Variants in RNF17 observed in about 807,000 individuals in gnomAD.
RNF17 encodes spermatogenesis associated 23.
RNF17 carries 31 observed loss-of-function variants against 200.5 expected under a neutral mutation model. The observed-to-expected ratio is 0.15, with a 90% CI of 0.12 to 0.21. The LOEUF is 0.21. Among genes scored for constraint, RNF17 ranks in the 10% least tolerant of loss-of-function variants. The pLI is 1.00. For synonymous variants in RNF17, 606 were observed against 637.8 expected, an observed-to-expected ratio of 0.95 and a Z score of 0.75; for missense variants, 1,628 against 1,905.1, an observed-to-expected ratio of 0.85 and a Z score of 2.71.
At chr13:24,861,224 T>G in intron 26 of RNF17, 44 bp from the exon 27 acceptor site, 1 of 1,491,362 alleles carries the variant, frequency 6.7e-7, no homozygotes, top group Non-Finnish European at 9.2e-7. Flanking sequence ...CCCCTAGCTT[T>G]TAATAATAAA....
At chr13:24,881,991 GATACATCTAT>G (rs1566273017), downstream of RNF17, among the ~76,000 whole-genome samples, 42 of 30,376 alleles carry the variant, frequency 1.4e-3, 2 homozygotes, top group Non-Finnish European at 2.4e-3. Flanking sequence ...TAGATATATA[GATACATCTAT>G]ATAGATATAT....
At chr13:24,823,185 T>G (rs924558053) in intron 15 of RNF17, among the ~76,000 whole-genome samples, 5 of 152,166 alleles carry the variant, frequency 3.3e-5, no homozygotes, top group Non-Finnish European at 5.9e-5. Flanking sequence ...GCAATTCTCC[T>G]GCCTCAGCCT....
the RNF17 span, among the ~76,000 whole-genome samples, chr13:24,749,495 T>A: frequency 6.6e-6 from 1 of 151,970 alleles, no homozygotes; most frequent in South Asian, 2.1e-4. Context: ...AGTAAAACAA[T>A]TGCTTAAGAT....
intron 15 of RNF17, among the ~76,000 whole-genome samples, chr13:24,814,235 A>C (rs9581184): frequency 3.3e-5 from 5 of 152,088 alleles, no homozygotes; most frequent in Non-Finnish European, 7.4e-5. Flanking sequence ...TTGCTGTCTC[A>C]GGTCTGGCAG....
chr13:24,764,191 G>A lies in RNF17; in HGVS notation c.-13G>A. The A allele has an allele frequency of 1.3e-6, 2 of 1,579,082 alleles. No homozygotes were observed. Among genetic ancestry groups the A allele is most frequent in the South Asian group, 1.1e-5 (1 of 88,746 alleles). On this transcript the variant is annotated 5_prime_UTR_variant, in exon 1 of 36. Transcript: ENST00000255324. ...CTCGCACTCGGCGGTTGTTCCAGAA[G>A]AAAGAGACAGCGATGGCGGCAGAGG...
chr13:24,753,103 G>C, the RNF17 span, among the ~76,000 whole-genome samples: 9 of 151,820 alleles, frequency 5.9e-5, no homozygotes, highest in South Asian at 1.7e-3. Context: ...ATGATATAAG[G>C]GGCCCTCCAA....
intron 1 of RNF17, among the ~76,000 whole-genome samples, chr13:24,765,787 A>T (rs9318791): frequency 1.3e-5 from 2 of 152,282 alleles, no homozygotes; most frequent in Admixed American, 1.3e-4. Flanking sequence ...GTTATTCAGT[A>T]TCAGAAATTT....
intron 34 of RNF17, among the ~76,000 whole-genome samples, 194 bp from the exon 35 acceptor site, chr13:24,878,993 T>TA (rs1345633400): frequency 1.3e-5 from 2 of 151,702 alleles, no homozygotes; most frequent in Admixed American, 1.3e-4. Context: ...AGAAGGAATT[T>TA]AAAGAGAGCA....
the RNF17 span, among the ~76,000 whole-genome samples, chr13:24,749,307 C>CTTTTTTT: frequency 0.33 from 35,666 of 107,870 alleles, 7,646 homozygotes; most frequent in East Asian, 0.58. Flanking sequence ...TTCTTTCTTT[C>CTTTTTTT]TTTTTTTTTT....
At chr13:24,863,856 C>T (rs1893355441) in intron 28 of RNF17, among the ~76,000 whole-genome samples, 2 of 152,226 alleles carry the variant, frequency 1.3e-5, no homozygotes, top group Non-Finnish European at 2.9e-5. Flanking sequence ...ACCCAGCCGA[C>T]AGCAGGCCTT....
chr13:24,858,982 C>G lies in RNF17; in HGVS notation c.3611-19C>G. 1 of 1,473,782 alleles carries G rather than the reference C, an allele frequency of 6.8e-7. No homozygotes were observed. The highest frequency in any genetic ancestry group is 9.4e-7 in the Non-Finnish European group (1 of 1,067,734). 91.3% of individuals were successfully genotyped at this position (1,473,782 alleles called of 1,614,324 possible). On this transcript the variant is annotated intron_variant, in intron 25 of 35. Transcript: ENST00000255324. ...GGGAATTTTCCTTAATGCTTTCTAT[C>G]TTTAATACTTTTTTTCAGAATTTGA...
At chr13:24,812,995 A>G (rs939025785) in intron 15 of RNF17, among the ~76,000 whole-genome samples, 1 of 151,950 alleles carries the variant, frequency 6.6e-6, no homozygotes, top group Admixed American at 6.5e-5. Context: ...AGCATTCTTA[A>G]TAAGTGTGAA....
intron 30 of RNF17, 94 bp downstream of exon 30, chr13:24,866,297 T>C: frequency 1.5e-6 from 1 of 661,804 alleles, no homozygotes; most frequent in Non-Finnish European, 2.6e-6. Context: ...ATAACAGTTT[T>C]ATTATTTATA....
rs60986805 is a variant in RNF17, at chr13:24,795,424, C to CTTT, written c.1241-700_1241-698dup. On this transcript the variant is annotated intron_variant, in intron 10 of 35. Coordinates refer to ENST00000255324, the MANE Select transcript of RNF17 (RefSeq NM_031277.3). ...CTCTATGTGTGTGTGGCGGGGGTGTCTTTTTTTTTTTTTTTACACAAAACG... is the reference window on the plus strand; with the variant it reads ...CTCTATGTGTGTGTGGCGGGGGTGTCTTTTTTTTTTTTTTTTTTACACAAAACG... 9.5e-5 allele frequency among the ~76,000 whole-genome samples: 13 copies of CTTT among 137,552 alleles called. No homozygotes were observed. The East Asian group carries it at 2.3e-3, about 24-fold the overall frequency. 90.2% of individuals were successfully genotyped at this position (137,552 alleles called of 152,430 possible). A position where few individuals can be genotyped will look rare whatever the true frequency, so the allele number is the denominator to read the frequency against.
chr13:24,788,450 A>G (rs1348484634), intron 7 of RNF17, among the ~76,000 whole-genome samples: 2 of 151,896 alleles, frequency 1.3e-5, no homozygotes, highest in Non-Finnish European at 2.9e-5. Flanking sequence ...GTAAGGTGAC[A>G]TTGAGGTGAA....
At chr13:24,824,157 A>C in intron 15 of RNF17, 1 of 708,568 alleles carries the variant, frequency 1.4e-6, no homozygotes, top group South Asian at 1.5e-5. Context: ...TTACTTCATT[A>C]GGCTTCTTGG....
chr13:24,768,536 G>C (rs545865846), intron 2 of RNF17, among the ~76,000 whole-genome samples: 2 of 152,074 alleles, frequency 1.3e-5, no homozygotes, highest in East Asian at 3.9e-4. Flanking sequence ...CGCCCACCTC[G>C]GCCTCCCAAA....
intron 15 of RNF17, 136 bp from the exon 16 acceptor site, chr13:24,825,483 C>T (rs758708324): frequency 3.4e-5 from 22 of 655,448 alleles, no homozygotes; most frequent in African/African-American, 1.8e-4. Flanking sequence ...AAATAAATTA[C>T]GTAACACAAT....
intron 15 of RNF17, among the ~76,000 whole-genome samples, chr13:24,825,353 G>C (rs949760397): frequency 2.6e-5 from 4 of 152,166 alleles, no homozygotes. Context: ...TATACAGTGA[G>C]TGTGTGTATG....
Sources: gnomAD v4.1 joint callset for allele counts (sites outside exome capture counted in the v4.1 genomes callset) on GRCh38, gnomAD v4.1.1 for gene constraint, MANE v1.5 for transcripts, NCBI Gene and HGNC (gene_info 2026-07-23, HGNC 2026-07-21) for gene names.